The following ADGRE5 variants were observed in gnomAD, a reference collection of about 807,000 sequenced individuals.
ADGRE5 encodes adhesion G protein-coupled receptor E5.
Under a neutral mutation model 100.3 loss-of-function variants are expected in ADGRE5, and 72 were observed. That is an observed-to-expected ratio of 0.72 (90% CI 0.59 to 0.87). The LOEUF is 0.87. ADGRE5 is among the 40% of genes least tolerant of loss of function. The pLI is 0.00. For synonymous variants in ADGRE5, 439 were observed against 447.8 expected (o/e 0.98, Z 0.25); for missense variants, 959 against 1,094.7 (o/e 0.88, Z 1.75).
chr19:14,384,355 A>T (rs1975257610), intron 1 of ADGRE5, among the ~76,000 whole-genome samples: 1 of 152,124 alleles, frequency 6.6e-6, no homozygotes, highest in Non-Finnish European at 1.5e-5. Flanking sequence ...CGCCCTCTGA[A>T]GCTGTGCTCA....
At position 14,405,814 on chromosome 19, in the gene ADGRE5, A is replaced by G. The variant is rs1976202660; in HGVS notation, c.1696A>G (p.Ile566Val). 2 of 1,613,872 alleles carry G rather than the reference A, an allele frequency of 1.2e-6. No homozygotes were observed. Among genetic ancestry groups the G allele is most frequent in the Non-Finnish European group, 1.7e-6 (2 of 1,179,994 alleles). ...ALSLFCLLLC[I>V]LTFLLVRPIQ... ...GTCACTCTTCTGCCTGCTGCTGTGC[A>G]TCCTCACTTTCCTGCTGGTGCGGCC... is the stretch of plus-strand genomic sequence containing the variant. Residue 566 changes from isoleucine to valine, a missense_variant, in exon 14 of 20, where the codon ATC (isoleucine) becomes GTC (valine). Physicochemically the swap from Ile to Val is conservative, Grantham distance 29. Transcript: ENST00000242786.
chr19:14,405,913 G>A lies in ADGRE5; in HGVS notation c.1795G>A (p.Ala599Thr). 6.2e-7 allele frequency: 1 copy of A among 1,610,118 alleles called. No homozygotes were observed. The highest frequency in any genetic ancestry group is 8.5e-7 in the Non-Finnish European group (1 of 1,179,930). Residue 599 changes from alanine to threonine, a missense_variant, in exon 14 of 20, where the codon GCC (alanine) becomes ACC (threonine). Around this residue, in one of 6 missense-constraint regions of ADGRE5, gnomAD observed 428 missense variants for 386.2 expected, o/e 1.11. Transcript: ENST00000242786. ...CLFVGSTIFL[A>T]GIENEGGQVG... ...CTTCGTGGGCTCCACCATCTTCCTG[G>A]CCGGCATCGAGAACGAAGGCGGCCA...
rs1220308719 is a variant in ADGRE5 at position 14,396,480 on chromosome 19, GC to G, written c.478+11del. ...GATCCGAAGGTCTGCACAGGTAGAG[GC>G]CCCAGGAAGACGCCGTGAGGCTGGA... On this transcript the variant is annotated splice_region_variant and intron_variant, in intron 5 of 19. Coordinates refer to ENST00000242786, the MANE Select transcript of ADGRE5 (RefSeq NM_078481.4). 1 of 1,614,030 alleles carries G rather than the reference GC, an allele frequency of 6.2e-7. No individual in the cohort carries two copies. Among genetic ancestry groups the G allele is most frequent in the Non-Finnish European group, 8.5e-7 (1 of 1,179,956 alleles).
chr19:14,382,168 A>G (rs1975181555), intron 1 of ADGRE5, among the ~76,000 whole-genome samples: 1 of 152,216 alleles, frequency 6.6e-6, no homozygotes, highest in South Asian at 2.1e-4. Flanking sequence ...TTATCAGGGT[A>G]GCTCGTTGCC....
chr19:14,401,307 G>T lies in ADGRE5; in HGVS notation c.898-79G>T. 7.8e-7 allele frequency: 1 copy of T among 1,279,052 alleles called. No homozygotes were observed. The allele number at this position is 1,279,052 out of a possible 1,614,324, so 79.2% of individuals were successfully genotyped here. ...CTGTGGGTCTCCAGTGTGTCCCCTG[G>T]TAGGGGGTGACATCCAGGTCCTTCA... On this transcript the variant is annotated intron_variant, in intron 9 of 19. Transcript: ENST00000242786. This position sits in a 1 kb window ranked among gnomAD's most constrained non-coding sequence, Gnocchi z 4.1.
intron 9 of ADGRE5, chr19:14,398,374 G>A (rs1405869472): frequency 5.5e-6 from 3 of 550,148 alleles, no homozygotes; most frequent in East Asian, 6.2e-5. Flanking sequence ...CAGCACTTAA[G>A]AACCTGGAGT....
chr19:14,395,354 G>A (rs554316738), intron 4 of ADGRE5, among the ~76,000 whole-genome samples: 72 of 151,920 alleles, frequency 4.7e-4, no homozygotes, highest in African/African-American at 1.3e-3. Flanking sequence ...TGAAGGAGGC[G>A]GCTCCAGCCT....
chr19:14,381,915 G>A (rs1366955399), intron 1 of ADGRE5, among the ~76,000 whole-genome samples: 1 of 151,182 alleles, frequency 6.6e-6, no homozygotes, highest in Non-Finnish European at 1.5e-5. Context: ...CGCATAGAAG[G>A]ACATGGGCGG....
rs528555528 is a variant in ADGRE5, at chr19:14,397,324, T to C, written c.625+101T>C. 3.3e-5 allele frequency: 52 copies of C among 1,569,826 alleles called. No homozygotes were observed. The South Asian group carries it at 5.4e-4, about 16-fold the overall frequency. On this transcript the variant is annotated intron_variant, in intron 6 of 19. Transcript: ENST00000242786. ...AAGCAGAATGAGCGCTGGAGGCACC[T>C]GGCTGTGCCAGGCGTTCGTTCATTC...
chr19:14,388,622 C>G, intron 2 of ADGRE5, 80 bp from the exon 3 acceptor site: 2 of 1,608,330 alleles, frequency 1.2e-6, no homozygotes, highest in Non-Finnish European at 1.7e-6. Context: ...AACTCAGCGC[C>G]CTGCCCCATC....
At chr19:14,386,931 C>T (rs976028876) in intron 1 of ADGRE5, among the ~76,000 whole-genome samples, 3 of 148,256 alleles carry the variant, frequency 2.0e-5, no homozygotes, top group African/African-American at 7.5e-5. Context: ...AGAGGAATTG[C>T]TTGAACCCGG....
intron 13 of ADGRE5, 146 bp from the exon 14 acceptor site, chr19:14,405,602 C>T (rs1211419352): frequency 1.4e-5 from 9 of 638,642 alleles, no homozygotes; most frequent in Non-Finnish European, 2.2e-5. Flanking sequence ...CCCCTTCCAG[C>T]TGGTAAGTGT....
At chr19:14,404,701 C>G in intron 13 of ADGRE5, 139 bp downstream of exon 13, 1 of 762,146 alleles carries the variant, frequency 1.3e-6, no homozygotes, top group Non-Finnish European at 2.1e-6. Flanking sequence ...GTCCCCACGT[C>G]ACACCCTTCG....
Position 14,408,262 on chromosome 19 carries a change from C to A in ADGRE5, c.*141C>A. 1.0e-6 allele frequency: 1 copy of A among 962,274 alleles called. No homozygotes were observed. The highest frequency in any genetic ancestry group is 1.6e-6 in the Non-Finnish European group (1 of 622,516). The allele number at this position is 962,274 out of a possible 1,614,324, so 59.6% of individuals were successfully genotyped here. On this transcript the variant is annotated 3_prime_UTR_variant, in exon 20 of 20. Transcript: ENST00000242786. Reference sequence around the variant, plus strand: ...CCCGTGTGCCACCAGGAGGGAGTGGCAGCTATAGTCTGGCACCAAAGTCCA... The same window carrying A: ...CCCGTGTGCCACCAGGAGGGAGTGGAAGCTATAGTCTGGCACCAAAGTCCA...
At chr19:14,405,346 T>C (rs1976182702) in intron 13 of ADGRE5, 1 of 169,534 alleles carries the variant, frequency 5.9e-6, no homozygotes, top group Non-Finnish European at 1.3e-5. Context: ...TTTCACTATG[T>C]TGGGCAGGCT....
intron 12 of ADGRE5, among the ~76,000 whole-genome samples, chr19:14,404,140 A>G (rs1976123556): frequency 6.6e-6 from 1 of 151,856 alleles, no homozygotes; most frequent in Non-Finnish European, 1.5e-5. Flanking sequence ...CAGCCTCCCA[A>G]AGTGCTGGGA....
At chr19:14,403,910 C>G (rs538058848) in intron 12 of ADGRE5, among the ~76,000 whole-genome samples, 1 of 98,484 alleles carries the variant, frequency 1.0e-5, no homozygotes, top group African/African-American at 4.0e-5. Flanking sequence ...GAGTTTCACT[C>G]TTGTCATCCA....
chr19:14,392,135 GC>G (rs1224034081), intron 4 of ADGRE5, among the ~76,000 whole-genome samples: 1 of 149,426 alleles, frequency 6.7e-6, no homozygotes, highest in African/African-American at 2.5e-5. Flanking sequence ...TAGGTTGGGT[GC>G]CATGGCTCAT....
chr19:14,406,101 C>T lies in ADGRE5; in HGVS notation c.1821+162C>T, dbSNP rs1976220492. Among the ~76,000 whole-genome samples the T allele has an allele frequency of 1.3e-5, 2 of 152,176 alleles. No homozygotes were observed. Among genetic ancestry groups the T allele is most frequent in the African/African-American group, 4.8e-5 (2 of 41,458 alleles). On this transcript the variant is annotated intron_variant, in intron 14 of 19. Transcript: ENST00000242786. This position sits in a 1 kb window ranked among gnomAD's most constrained non-coding sequence, Gnocchi z 6.0. ...CCCGCCCACCGGGGGGTCGGGTTGTCTCTTTAAAGGGCGCTGGCTTTGGAG... is the reference window on the plus strand; with the variant it reads ...CCCGCCCACCGGGGGGTCGGGTTGTTTCTTTAAAGGGCGCTGGCTTTGGAG...
Sources: gnomAD v4.1 joint callset for allele counts (sites outside exome capture counted in the v4.1 genomes callset) on GRCh38, gnomAD v4.1.1 for gene constraint, gnomAD v4.1.1 regional missense constraint, Gnocchi (gnomAD v3.1) non-coding constraint, MANE v1.5 for transcripts, NCBI Gene and HGNC (gene_info 2026-07-23, HGNC 2026-07-21) for gene names.